SBF2: variants seen among roughly 807,000 people sequenced by gnomAD.
The protein encoded by SBF2 is SET binding factor 2.
In SBF2, 112 loss-of-function variants were observed where a neutral mutation model predicts 225.2. The observed-to-expected ratio is 0.50, with a 90% CI of 0.43 to 0.58. The LOEUF (loss-of-function observed/expected upper bound fraction) is 0.58. SBF2 is among the 20% of genes least tolerant of loss of function. The pLI is 0.00. For missense variants in SBF2, 1,996 were observed against 2,206.2 expected (o/e 0.90, Z 1.91); for synonymous variants, 763 against 773.3 (o/e 0.99, Z 0.22).
intron 14 of SBF2, among the ~76,000 whole-genome samples, chr11:9,966,074 A>ATTTTAT (rs1333240187): frequency 6.6e-6 from 1 of 151,548 alleles, no homozygotes; most frequent in Non-Finnish European, 1.5e-5. Context: ...AAAAAAACAT[A>ATTTTAT]TTTTCTTTTT....
At chr11:9,863,651 G>C (rs1590254903) in intron 17 of SBF2, among the ~76,000 whole-genome samples, 1 of 152,010 alleles carries the variant, frequency 6.6e-6, no homozygotes, top group African/African-American at 2.4e-5. Flanking sequence ...CTTTTGCTTA[G>C]TCTTGAGAGA....
At chr11:9,825,132 A>G (rs1255243869) in intron 28 of SBF2, among the ~76,000 whole-genome samples, 1 of 152,154 alleles carries the variant, frequency 6.6e-6, no homozygotes, top group Non-Finnish European at 1.5e-5. Flanking sequence ...AATATATATC[A>G]TTAGTTAAGA....
chr11:10,170,544 T>C (rs146743825), intron 2 of SBF2, among the ~76,000 whole-genome samples: 1 of 152,160 alleles, frequency 6.6e-6, no homozygotes, highest in Non-Finnish European at 1.5e-5. Context: ...GTAGTTTAAT[T>C]TGAAGTCAGA....
At chr11:10,066,895 A>T (rs1341667685) in intron 2 of SBF2, among the ~76,000 whole-genome samples, 1 of 152,244 alleles carries the variant, frequency 6.6e-6, no homozygotes, top group Non-Finnish European at 1.5e-5. Context: ...AGAACACATG[A>T]TCAATATATA....
rs1359291562 is a variant in SBF2 at position 10,088,813 on chromosome 11, TC to T, written c.142-45833del. On this transcript the variant is annotated intron_variant, in intron 2 of 39. Transcript: ENST00000256190. ...GCATGAGGCTTGGGTGGGACAAACATCCAAACTATGGCAATCAGAATAATGA... is the reference window on the plus strand; with the variant it reads ...GCATGAGGCTTGGGTGGGACAAACATCAAACTATGGCAATCAGAATAATGA... Among the ~76,000 whole-genome samples the T allele has an allele frequency of 6.6e-5, 10 of 152,164 alleles. No homozygotes were observed. In the South Asian group the frequency reaches 1.0e-3, roughly 16 times the overall value.
chr11:10,000,141 T>A (rs1001307579), intron 8 of SBF2, among the ~76,000 whole-genome samples: 1 of 152,224 alleles, frequency 6.6e-6, no homozygotes, highest in Non-Finnish European at 1.5e-5. Flanking sequence ...TGGGCAGAAA[T>A]CTGTTTCTAT....
intron 16 of SBF2, among the ~76,000 whole-genome samples, chr11:9,944,220 T>C (rs1401981428): frequency 1.3e-5 from 2 of 152,090 alleles, no homozygotes; most frequent in Non-Finnish European, 2.9e-5. Flanking sequence ...AGCAAAGAAA[T>C]GATTAAACCA....
At chr11:10,237,239 T>C (rs1959108202) in intron 1 of SBF2, among the ~76,000 whole-genome samples, 1 of 152,096 alleles carries the variant, frequency 6.6e-6, no homozygotes, top group Non-Finnish European at 1.5e-5. Context: ...CCCAGCTATT[T>C]GGGAGCCTGT....
chr11:10,001,192 T>C lies in SBF2; in HGVS notation c.753-170A>G, dbSNP rs367990719. ...GGAAAAAATGATTTAAAAATCTTCA[T>C]GTGAAAGATACAATCAGATATAAGA... On this transcript the variant is annotated intron_variant, in intron 7 of 39. Coordinates refer to ENST00000256190, the MANE Select transcript of SBF2 (RefSeq NM_030962.4). Among the ~76,000 whole-genome samples the C allele has an allele frequency of 5.9e-5, 9 of 152,316 alleles. No homozygotes were observed. The East Asian group carries it at 1.7e-3, about 29-fold the overall frequency.
At position 10,043,336 on chromosome 11, in the gene SBF2, T is replaced by C. The variant is rs1010550949; in HGVS notation, c.142-355A>G. Among the ~76,000 whole-genome samples the C allele has an allele frequency of 1.1e-4, 16 of 152,158 alleles. No individual in the cohort carries two copies. The South Asian group carries it at 2.3e-3, about 22-fold the overall frequency. On this transcript the variant is annotated intron_variant, in intron 2 of 39. Transcript: ENST00000256190. ...GAAATCAAGGGCAAAATATGTATCA[T>C]TGAGGGAAAATAGAATTATTTTTAA...
At chr11:9,992,850 G>A (rs548100041) in intron 11 of SBF2, 140 bp downstream of exon 11, 99 of 643,246 alleles carry the variant, frequency 1.5e-4, no homozygotes, top group Non-Finnish European at 2.5e-4. Flanking sequence ...ATTAAGAACT[G>A]ATATCTAACC....
chr11:9,867,666 T>C lies in SBF2; in HGVS notation c.1930-9270A>G, dbSNP rs1052094192. Among the ~76,000 whole-genome samples the C allele has an allele frequency of 5.9e-5, 9 of 152,202 alleles. 1 individual carries two copies. Among genetic ancestry groups the C allele is most frequent in the Admixed American group, 5.9e-4 (9 of 15,272 alleles). ...ATAAAGGAAACATGGTATATATACA[T>C]AGTGGAATAATATTCAGCCATAAAA... On this transcript the variant is annotated intron_variant, in intron 17 of 39. Transcript: ENST00000256190.
chr11:9,932,238 C>T (rs1232856998), intron 16 of SBF2, among the ~76,000 whole-genome samples: 1 of 152,170 alleles, frequency 6.6e-6, no homozygotes. Flanking sequence ...CTTCCCCAAC[C>T]TAGCAAGGCA....
intron 1 of SBF2, among the ~76,000 whole-genome samples, chr11:10,275,788 C>T (rs1252785807): frequency 1.3e-5 from 2 of 152,030 alleles, no homozygotes; most frequent in Non-Finnish European, 2.9e-5. Flanking sequence ...ATTCTATAGG[C>T]TCTATCCATT....
At chr11:10,245,287 C>T (rs900686697) in intron 1 of SBF2, among the ~76,000 whole-genome samples, 2 of 152,066 alleles carry the variant, frequency 1.3e-5, no homozygotes, top group Non-Finnish European at 2.9e-5. Context: ...TGCATGCCTG[C>T]AATCCCATCT....
chr11:10,224,690 T>C (rs535157991), intron 1 of SBF2, among the ~76,000 whole-genome samples: 20 of 152,292 alleles, frequency 1.3e-4, no homozygotes, highest in African/African-American at 3.6e-4. Flanking sequence ...CTTCGAATTC[T>C]TCACATGTTA....
At chr11:9,887,012 A>G (rs534829501) in intron 17 of SBF2, among the ~76,000 whole-genome samples, 1 of 152,282 alleles carries the variant, frequency 6.6e-6, no homozygotes, top group South Asian at 2.1e-4. Flanking sequence ...TAGGACATCA[A>G]TGTCTACTGA....
chr11:9,994,577 C>CATATATATATATATAAATATATATATAT (rs1947601171), intron 9 of SBF2, among the ~76,000 whole-genome samples: 1 of 134,080 alleles, frequency 7.5e-6, no homozygotes, highest in Non-Finnish European at 1.6e-5. Flanking sequence ...TATATATGTA[C>CATATATATATATATAAATATATATATAT]ATATATATAT....
Position 10,233,628 on chromosome 11 carries a change from G to A in SBF2, c.56-39641C>T, listed in dbSNP as rs1445371091. ...ATAATTCTCCAAAAAAAAAAAAAAG[G>A]TATTGATTAGTAAGTCAGCCAAAGA... On this transcript the variant is annotated intron_variant, in intron 1 of 39. Coordinates refer to ENST00000256190, the MANE Select transcript of SBF2 (RefSeq NM_030962.4). Among the ~76,000 whole-genome samples, 3 of 148,660 alleles carry A rather than the reference G, an allele frequency of 2.0e-5. No individual in the cohort carries two copies. In the South Asian group the frequency reaches 6.4e-4, roughly 32 times the overall value.
Sources: allele counts gnomAD v4.1 joint callset (sites outside exome capture counted in the v4.1 genomes callset), GRCh38; gene constraint gnomAD v4.1.1; transcripts MANE v1.5; gene names NCBI Gene and HGNC (gene_info 2026-07-23, HGNC 2026-07-21).